Variants in PABPC4L observed in about 807,000 individuals in gnomAD.
The protein encoded by PABPC4L is poly(A) binding protein cytoplasmic 4 like, also known as polyadenylate-binding protein 4-like.
For synonymous variants in PABPC4L, 169 were observed against 164.1 expected (o/e 1.03, Z -0.23); for missense variants, 452 against 451.4 (o/e 1.00, Z -0.01).
chr4:134,102,533 T>C, the PABPC4L span, among the ~76,000 whole-genome samples: 25 of 151,640 alleles, frequency 1.6e-4, no homozygotes, highest in African/African-American at 5.5e-4. Flanking sequence ...TTTGGAAAAC[T>C]CCGCCTCAAA....
At chr4:133,987,642 G>A in the PABPC4L span, among the ~76,000 whole-genome samples, 2 of 152,048 alleles carry the variant, frequency 1.3e-5, no homozygotes, top group African/African-American at 2.4e-5. Flanking sequence ...AAGACCTTTG[G>A]TCTTAAAAAG....
chr4:134,099,755 G>C, the PABPC4L span, among the ~76,000 whole-genome samples: 2 of 151,258 alleles, frequency 1.3e-5, no homozygotes, highest in Non-Finnish European at 3.0e-5. Flanking sequence ...TCACAAAAAT[G>C]CTATTTGATC....
At chr4:134,163,098 T>C in the PABPC4L span, among the ~76,000 whole-genome samples, 3 of 152,032 alleles carry the variant, frequency 2.0e-5, no homozygotes, top group African/African-American at 7.2e-5. Flanking sequence ...TAAATAAAAT[T>C]GATAGACCAT....
chr4:134,181,616 A>G, the PABPC4L span, among the ~76,000 whole-genome samples: 2 of 152,086 alleles, frequency 1.3e-5, no homozygotes, highest in Non-Finnish European at 2.9e-5. Flanking sequence ...CTATACCTAG[A>G]AAACACCATA....
the PABPC4L span, among the ~76,000 whole-genome samples, chr4:134,062,886 A>T: frequency 6.6e-6 from 1 of 152,118 alleles, no homozygotes; most frequent in Non-Finnish European, 1.5e-5. Flanking sequence ...CATGAACTAT[A>T]TGTAACCTAT....
the PABPC4L span, among the ~76,000 whole-genome samples, chr4:134,065,283 C>A: frequency 6.6e-6 from 1 of 152,000 alleles, no homozygotes; most frequent in Non-Finnish European, 1.5e-5. Flanking sequence ...TTAGTAATAA[C>A]CATTTTGATG....
the PABPC4L span, among the ~76,000 whole-genome samples, chr4:134,142,765 CT>C: frequency 2.7e-4 from 41 of 151,672 alleles, no homozygotes; most frequent in African/African-American, 9.6e-4. Context: ...AAACATACCT[CT>C]TACTGAATCA....
the PABPC4L span, among the ~76,000 whole-genome samples, chr4:134,015,020 C>T: frequency 1.3e-5 from 2 of 152,068 alleles, no homozygotes; most frequent in Admixed American, 1.3e-4. Context: ...TCCAAAGCCT[C>T]CTTTGCATCC....
chr4:134,084,588 A>G, the PABPC4L span, among the ~76,000 whole-genome samples: 1 of 152,146 alleles, frequency 6.6e-6, no homozygotes, highest in African/African-American at 2.4e-5. Flanking sequence ...ATCTACTAAA[A>G]TATGTTCAGG....
chr4:133,980,556 A>G, the PABPC4L span, among the ~76,000 whole-genome samples: 4 of 152,214 alleles, frequency 2.6e-5, no homozygotes, highest in Non-Finnish European at 2.9e-5. Flanking sequence ...GAGACAGGGA[A>G]AGAGAAACTT....
the PABPC4L span, among the ~76,000 whole-genome samples, chr4:133,991,391 G>A: frequency 6.6e-6 from 1 of 152,120 alleles, no homozygotes; most frequent in Non-Finnish European, 1.5e-5. Context: ...AGGTTGAGAG[G>A]TGACACAGAT....
At chr4:134,175,425 A>T in the PABPC4L span, among the ~76,000 whole-genome samples, 7 of 151,796 alleles carry the variant, frequency 4.6e-5, no homozygotes, top group African/African-American at 1.5e-4. Context: ...TTTATTTTTT[A>T]AATTAATTAA....
chr4:134,145,522 G>A, the PABPC4L span, among the ~76,000 whole-genome samples: 1 of 151,820 alleles, frequency 6.6e-6, no homozygotes, highest in Non-Finnish European at 1.5e-5. Flanking sequence ...TTTCTATGAA[G>A]CTCTTCAGTA....
chr4:134,009,389 A>G, the PABPC4L span, among the ~76,000 whole-genome samples: 1 of 151,982 alleles, frequency 6.6e-6, no homozygotes, highest in Admixed American at 6.6e-5. Flanking sequence ...TTAATAGACT[A>G]TAAACATGTT....
chr4:134,035,774 A>G, the PABPC4L span, among the ~76,000 whole-genome samples: 1 of 152,002 alleles, frequency 6.6e-6, no homozygotes, highest in Non-Finnish European at 1.5e-5. Flanking sequence ...TTCCTATATG[A>G]TGGTTGAAAT....
the PABPC4L span, among the ~76,000 whole-genome samples, chr4:134,042,076 T>C: frequency 6.6e-6 from 1 of 152,174 alleles, no homozygotes; most frequent in South Asian, 2.1e-4. Flanking sequence ...TCTACACACA[T>C]ATATATAATG....
chr4:134,178,604 T>C, the PABPC4L span, among the ~76,000 whole-genome samples: 1 of 151,990 alleles, frequency 6.6e-6, no homozygotes, highest in Non-Finnish European at 1.5e-5. Flanking sequence ...AATCATCAAC[T>C]TACAGGAGAT....
the PABPC4L span, among the ~76,000 whole-genome samples, chr4:133,959,048 T>A: frequency 6.6e-6 from 1 of 152,182 alleles, no homozygotes; most frequent in Non-Finnish European, 1.5e-5. Context: ...TTTCTATGGG[T>A]ATTCATTTCT....
At chr4:134,032,678 A>G in the PABPC4L span, among the ~76,000 whole-genome samples, 1 of 151,846 alleles carries the variant, frequency 6.6e-6, no homozygotes, top group African/African-American at 2.4e-5. Context: ...TAGGTTTTAT[A>G]ATAAGAGGTG....
Sources: allele counts gnomAD v4.1 joint callset (sites outside exome capture counted in the v4.1 genomes callset), GRCh38; gene constraint gnomAD v4.1.1; transcripts MANE v1.5; gene names NCBI Gene and HGNC (gene_info 2026-07-23, HGNC 2026-07-21).